Variants in C10orf143 observed in about 807,000 individuals in gnomAD.
C10orf143 encodes uncharacterized protein C10orf143.
chr10:130,064,068 T>C lies in C10orf143; in HGVS notation c.*286A>G, dbSNP rs990275402. ...ACAAAATTTTTTGACTTGTAAATAA[T>C]GCAATTGATCTCCCTCTCAACCAGG... On this transcript the variant is annotated 3_prime_UTR_variant, in exon 4 of 4. Coordinates refer to ENST00000637128, the MANE Select transcript of C10orf143 (RefSeq NM_001355042.2). 5 of 306,816 alleles carry C rather than the reference T, an allele frequency of 1.6e-5. No individual in the cohort carries two copies. The highest frequency in any genetic ancestry group is 3.0e-5 in the Non-Finnish European group (5 of 168,894). The allele number at this position is 306,816 out of a possible 1,614,324, so 19.0% of individuals were successfully genotyped here.
chr10:130,105,626 A>G (rs1410208558), intron 1 of C10orf143, among the ~76,000 whole-genome samples: 4 of 152,076 alleles, frequency 2.6e-5, no homozygotes, highest in Non-Finnish European at 5.9e-5. Flanking sequence ...GCTACTCCGG[A>G]GGCTAAGGCA....
chr10:130,083,899 G>C lies in C10orf143; in HGVS notation c.70-3998C>G, dbSNP rs532325774. Among the ~76,000 whole-genome samples the C allele has an allele frequency of 2.6e-5, 4 of 152,120 alleles. No individual in the cohort carries two copies. The East Asian group carries it at 7.7e-4, about 29-fold the overall frequency. On this transcript the variant is annotated intron_variant, in intron 1 of 3. Transcript: ENST00000637128. ...GCCAAAAAGTGAGGGAAAAATGTAA[G>C]TAAACCAAGACATAGGGGGAGAGGA...
intron 1 of C10orf143, among the ~76,000 whole-genome samples, chr10:130,101,792 A>G (rs1402725292): frequency 7.1e-6 from 1 of 141,820 alleles, no homozygotes; most frequent in Admixed American, 7.4e-5. Flanking sequence ...CCCGGGAGAC[A>G]GAGATTGCAG....
At chr10:130,063,180 G>A (rs548484346), downstream of C10orf143, among the ~76,000 whole-genome samples, 36 of 152,228 alleles carry the variant, frequency 2.4e-4, no homozygotes, top group Admixed American at 1.3e-3. Flanking sequence ...CGCGTGCCAC[G>A]TCAGCTACAA....
chr10:130,110,434 G>C (rs556269016), intron 1 of C10orf143, among the ~76,000 whole-genome samples: 10 of 152,338 alleles, frequency 6.6e-5, no homozygotes, highest in African/African-American at 2.2e-4. Context: ...CCTGGGTCTG[G>C]AGCCCCAGTG....
At chr10:130,062,388 A>G (rs562915188), downstream of C10orf143, among the ~76,000 whole-genome samples, 7 of 152,254 alleles carry the variant, frequency 4.6e-5, no homozygotes, top group Non-Finnish European at 8.8e-5. Context: ...CTCACCCTCA[A>G]TCTGGGTGGG....
At chr10:130,038,581 G>C (rs1860570907) in intron 3 of C10orf143, among the ~76,000 whole-genome samples, 1 of 152,110 alleles carries the variant, frequency 6.6e-6, no homozygotes, top group Non-Finnish European at 1.5e-5. Context: ...TTATTAATTG[G>C]CGTTTGCTCG....
At position 130,107,752 on chromosome 10, in the gene C10orf143, C is replaced by G. The variant is rs756408319; in HGVS notation, c.69+2952G>C. ...GGAATCCTCTGGACCATCAGATTAC[C>G]AAGGAAAGAGGAGAATCAAGCTGTG... On this transcript the variant is annotated intron_variant, in intron 1 of 3. Coordinates refer to ENST00000637128, the MANE Select transcript of C10orf143 (RefSeq NM_001355042.2). 4.9e-5 allele frequency: 61 copies of G among 1,236,718 alleles called. 1 individual carries two copies. Among genetic ancestry groups the G allele is most frequent in the Non-Finnish European group, 6.7e-5 (56 of 840,380 alleles). 76.6% of individuals were successfully genotyped at this position (1,236,718 alleles called of 1,614,324 possible).
intron 1 of C10orf143, among the ~76,000 whole-genome samples, chr10:130,102,745 C>T (rs1048220769): frequency 5.9e-5 from 9 of 152,176 alleles, no homozygotes; most frequent in Admixed American, 4.6e-4. Context: ...GATGCATAAA[C>T]ATTGATGAAT....
intron 1 of C10orf143, among the ~76,000 whole-genome samples, chr10:130,088,415 A>G (rs1000558883): frequency 2.6e-5 from 4 of 152,192 alleles, no homozygotes; most frequent in Non-Finnish European, 5.9e-5. Context: ...TAAAATACCA[A>G]AGGAAATCAT....
In C10orf143 at chr10:130,065,716, C is replaced by T. The variant is rs149519267; in HGVS notation, c.298-1333G>A. 46 of 152,380 alleles carry T rather than the reference C, an allele frequency of 3.0e-4. No homozygotes were observed. Among genetic ancestry groups the T allele is most frequent in the African/African-American group, 1.1e-3 (45 of 41,584 alleles). The allele number at this position is 152,380 out of a possible 1,614,324, so 9.4% of individuals were successfully genotyped here. On this transcript the variant is annotated intron_variant, in intron 3 of 3. Coordinates refer to ENST00000637128, the MANE Select transcript of C10orf143 (RefSeq NM_001355042.2). This position sits in a 1 kb window ranked among gnomAD's most constrained non-coding sequence, Gnocchi z 4.2. ...TTCATGCAATTCTCGAGGTCTTTCA[C>T]AGTCTAATGGACATCAAGTCTCTAA...
At chr10:130,092,047 T>G (rs983112354) in intron 1 of C10orf143, among the ~76,000 whole-genome samples, 10 of 152,154 alleles carry the variant, frequency 6.6e-5, no homozygotes, top group Non-Finnish European at 1.3e-4. Flanking sequence ...AACTTTCAAA[T>G]TCAAGAAATA....
intron 1 of C10orf143, among the ~76,000 whole-genome samples, chr10:130,096,558 C>T (rs1861465209): frequency 8.8e-6 from 1 of 114,260 alleles, no homozygotes; most frequent in Non-Finnish European, 1.9e-5. Context: ...CCATCAATGA[C>T]AGACTGGATA....
intron 3 of C10orf143, among the ~76,000 whole-genome samples, chr10:130,045,492 A>T (rs1860656734): frequency 6.6e-6 from 1 of 152,176 alleles, no homozygotes; most frequent in South Asian, 2.1e-4. Flanking sequence ...CCCGCCCCGC[A>T]GCACTGCAGC....
chr10:130,103,487 C>T lies in C10orf143; in HGVS notation c.69+7217G>A, dbSNP rs560306309. Among the ~76,000 whole-genome samples, 70 of 152,050 alleles carry T rather than the reference C, an allele frequency of 4.6e-4. No homozygotes were observed. In the South Asian group the frequency reaches 0.015, roughly 32 times the overall value. ...CCTGGGTGACAGACCGAAACTCTGC[C>T]TCAATAAGTAAATAAATACATACAC... is the stretch of plus-strand genomic sequence containing the variant. On this transcript the variant is annotated intron_variant, in intron 1 of 3. Coordinates refer to ENST00000637128, the MANE Select transcript of C10orf143 (RefSeq NM_001355042.2).
At chr10:130,108,571 G>A (rs1861704711) in intron 1 of C10orf143, 2 of 584,082 alleles carry the variant, frequency 3.4e-6, no homozygotes, top group East Asian at 5.8e-5. Context: ...TAATTCTTAG[G>A]ATAGTATTTT....
intron 1 of C10orf143, chr10:130,104,537 TAC>T (rs1185461959): frequency 6.6e-6 from 1 of 152,176 alleles, no homozygotes; most frequent in African/African-American, 2.4e-5. Flanking sequence ...GAGAGAGAAA[TAC>T]ACAGAGAGGC....
intron 3 of C10orf143, among the ~76,000 whole-genome samples, chr10:130,079,281 C>A: frequency 6.6e-6 from 1 of 152,242 alleles, no homozygotes; most frequent in East Asian, 1.9e-4. Context: ...TTAAATGATT[C>A]TCTATTTTAA....
At chr10:130,064,586 G>A (rs2134744909) in intron 3 of C10orf143, among the ~76,000 whole-genome samples, 1 of 152,172 alleles carries the variant, frequency 6.6e-6, no homozygotes, top group Middle Eastern at 3.4e-3. Context: ...ATTTCCAGTA[G>A]TGACTGGTAC....
Sources: gnomAD v4.1 joint callset for allele counts (sites outside exome capture counted in the v4.1 genomes callset) on GRCh38, gnomAD v4.1.1 for gene constraint, Gnocchi (gnomAD v3.1) non-coding constraint, MANE v1.5 for transcripts, NCBI Gene and HGNC (gene_info 2026-07-23, HGNC 2026-07-21) for gene names.